CHLSN: variants seen among roughly 807,000 people sequenced by gnomAD.
CHLSN encodes cholesin.
chr7:1,125,487 C>T, the CHLSN span, among the ~76,000 whole-genome samples: 1 of 152,224 alleles, frequency 6.6e-6, no homozygotes, highest in Non-Finnish European at 1.5e-5. Context: ...AAGCCAGCAC[C>T]GGGCCCCTGC....
At chr7:1,096,754 C>T in the CHLSN span, among the ~76,000 whole-genome samples, 1 of 152,234 alleles carries the variant, frequency 6.6e-6, no homozygotes, top group African/African-American at 2.4e-5. This position sits in a 1 kb window ranked among gnomAD's most constrained non-coding sequence, Gnocchi z 4.6. Flanking sequence ...ACAATTAACT[C>T]TTGACCTCAC....
At chr7:1,012,851 C>G in the CHLSN span, among the ~76,000 whole-genome samples, 12 of 152,264 alleles carry the variant, frequency 7.9e-5, no homozygotes, top group Admixed American at 7.8e-4. Context: ...GGCTCCACTC[C>G]GTGCCATCGG....
chr7:1,015,633 A>AGAGGGTT, the CHLSN span, among the ~76,000 whole-genome samples: 1 of 152,280 alleles, frequency 6.6e-6, no homozygotes, highest in East Asian at 1.9e-4. Context: ...GGACTGACCC[A>AGAGGGTT]GGAGAGCAGG....
chr7:1,131,838 G>A, the CHLSN span, among the ~76,000 whole-genome samples: 3 of 152,166 alleles, frequency 2.0e-5, 1 homozygote, highest in East Asian at 5.8e-4. Flanking sequence ...ATTATGGAAA[G>A]GTTCCTTTTA....
the CHLSN span, chr7:983,461 G>A: frequency 3.7e-6 from 5 of 1,336,042 alleles, no homozygotes; most frequent in African/African-American, 6.0e-5. Flanking sequence ...GGGAAGCCCA[G>A]CCCGGTTTCC....
At chr7:1,068,898 C>T in the CHLSN span, among the ~76,000 whole-genome samples, 7 of 152,116 alleles carry the variant, frequency 4.6e-5, no homozygotes, top group Non-Finnish European at 1.0e-4. Flanking sequence ...AGGTGATGTC[C>T]GGGAAGACTG....
chr7:1,029,061 G>A, the CHLSN span: 2 of 152,170 alleles, frequency 1.3e-5, no homozygotes, highest in Admixed American at 6.5e-5. Flanking sequence ...TCACCACACA[G>A]AGGGCGTCTA....
chr7:992,396 C>A, the CHLSN span, among the ~76,000 whole-genome samples: 38 of 152,350 alleles, frequency 2.5e-4, no homozygotes, highest in East Asian at 3.9e-4. Flanking sequence ...GAGGCCCCCC[C>A]ACAGTAAGCT....
At chr7:1,050,741 C>T in the CHLSN span, among the ~76,000 whole-genome samples, 5 of 152,220 alleles carry the variant, frequency 3.3e-5, no homozygotes, top group Non-Finnish European at 7.3e-5. Flanking sequence ...CTCACGAGTA[C>T]GCATTAGGAG....
chr7:995,181 C>T, the CHLSN span, among the ~76,000 whole-genome samples: 1 of 152,230 alleles, frequency 6.6e-6, no homozygotes, highest in Non-Finnish European at 1.5e-5. Context: ...GTTGCATGGG[C>T]GGGTGCCCTC....
chr7:1,000,588 CAA>C, the CHLSN span: 2 of 1,532,908 alleles, frequency 1.3e-6, no homozygotes, highest in Non-Finnish European at 1.8e-6. Context: ...GGGTGCTGGG[CAA>C]AAGACTCCCG....
chr7:1,003,958 T>G, the CHLSN span, among the ~76,000 whole-genome samples: 9 of 83,038 alleles, frequency 1.1e-4, no homozygotes, highest in African/African-American at 1.4e-4. Flanking sequence ...TGTGGGTGAG[T>G]GGAGTCCTGT....
chr7:1,080,854 G>C, the CHLSN span: 2 of 152,342 alleles, frequency 1.3e-5, no homozygotes, highest in African/African-American at 2.4e-5. Context: ...CTCAGTGAGA[G>C]AGGGTGGGCT....
the CHLSN span, among the ~76,000 whole-genome samples, chr7:1,124,745 C>CAAA: frequency 2.9e-3 from 350 of 122,138 alleles, 2 homozygotes; most frequent in African/African-American, 9.2e-3. Context: ...TAAAAAAGCA[C>CAAA]AAAAAAAAAA....
chr7:1,075,676 A>C, the CHLSN span, among the ~76,000 whole-genome samples: 1 of 148,432 alleles, frequency 6.7e-6, no homozygotes, highest in Non-Finnish European at 1.5e-5. Flanking sequence ...GCAGTGGCGC[A>C]ATCTCAGCTC....
the CHLSN span, among the ~76,000 whole-genome samples, chr7:1,041,257 G>A: frequency 6.6e-4 from 99 of 149,982 alleles, no homozygotes; most frequent in African/African-American, 2.4e-3. Flanking sequence ...CCTGGGCTCC[G>A]CGCTGCGGGG....
At chr7:1,134,823 G>C in the CHLSN span, among the ~76,000 whole-genome samples, 1 of 152,094 alleles carries the variant, frequency 6.6e-6, no homozygotes, top group South Asian at 2.1e-4. Flanking sequence ...CTTGCAGTGA[G>C]CCGAGATCGC....
the CHLSN span, among the ~76,000 whole-genome samples, chr7:1,098,747 C>T: frequency 1.9e-4 from 29 of 152,302 alleles, no homozygotes; most frequent in African/African-American, 6.7e-4. Context: ...ATGTCCACTG[C>T]GTGCGTCCGC....
At chr7:1,051,960 TGA>T in the CHLSN span, among the ~76,000 whole-genome samples, 1 of 152,184 alleles carries the variant, frequency 6.6e-6, no homozygotes, top group Non-Finnish European at 1.5e-5. Context: ...CCTGGGTGAC[TGA>T]GAGAGATCCT....
Sources: gnomAD v4.1 joint callset for allele counts (sites outside exome capture counted in the v4.1 genomes callset) on GRCh38, gnomAD v4.1.1 for gene constraint, Gnocchi (gnomAD v3.1) non-coding constraint, MANE v1.5 for transcripts, NCBI Gene and HGNC (gene_info 2026-07-23, HGNC 2026-07-21) for gene names.